The following HS6ST3 variants were observed in gnomAD, a reference collection of about 807,000 sequenced individuals.
HS6ST3 encodes heparan sulfate 6-O-sulfotransferase 3, also known as heparan-sulfate 6-O-sulfotransferase 3.
In HS6ST3, 12 loss-of-function variants were observed where a neutral mutation model predicts 36.7. The observed-to-expected ratio is 0.33, with a 90% CI of 0.21 to 0.53. The LOEUF (loss-of-function observed/expected upper bound fraction) is 0.53, where lower values mean the gene tolerates loss of function less well. Among genes scored for constraint, HS6ST3 ranks in the 20% least tolerant of loss-of-function variants. HS6ST3 has a pLI of 0.95. For synonymous variants in HS6ST3, 240 were observed against 257.5 expected, an observed-to-expected ratio of 0.93 and a Z score of 0.65; for missense variants, 584 against 640.9, an observed-to-expected ratio of 0.91 and a Z score of 0.96.
At chr13:96,267,851 T>C (rs561644618) in intron 1 of HS6ST3, among the ~76,000 whole-genome samples, 45 of 151,980 alleles carry the variant, frequency 3.0e-4, no homozygotes, top group Admixed American at 2.6e-4. Context: ...TTGGTTACCA[T>C]TGGGCTTATC....
At chr13:96,716,897 G>C (rs754346349) in intron 1 of HS6ST3, among the ~76,000 whole-genome samples, 4 of 152,212 alleles carry the variant, frequency 2.6e-5, no homozygotes, top group Non-Finnish European at 4.4e-5. Context: ...AGTGGGCCAA[G>C]TGTAAGATCA....
At chr13:96,605,978 A>G (rs940054743) in intron 1 of HS6ST3, among the ~76,000 whole-genome samples, 22 of 152,304 alleles carry the variant, frequency 1.4e-4, no homozygotes, top group African/African-American at 5.1e-4. Flanking sequence ...AAAAATGCTC[A>G]TCATCACTTG....
chr13:96,576,554 T>A (rs2056321922), intron 1 of HS6ST3, among the ~76,000 whole-genome samples: 2 of 152,070 alleles, frequency 1.3e-5, no homozygotes, highest in Non-Finnish European at 2.9e-5. Flanking sequence ...AGCAAAAAAA[T>A]ATTGCTAAAC....
chr13:96,265,683 T>C (rs2054688726), intron 1 of HS6ST3, among the ~76,000 whole-genome samples: 7 of 152,164 alleles, frequency 4.6e-5, no homozygotes, highest in South Asian at 4.1e-4. Context: ...GAGGGGTCAG[T>C]GGACAGGACC....
At chr13:96,666,471 C>T (rs935363005) in intron 1 of HS6ST3, among the ~76,000 whole-genome samples, 4 of 152,172 alleles carry the variant, frequency 2.6e-5, no homozygotes, top group African/African-American at 7.2e-5. Context: ...TGTTTTTCCT[C>T]GTATAACTTT....
intron 1 of HS6ST3, among the ~76,000 whole-genome samples, chr13:96,673,959 G>C (rs968014512): frequency 4.0e-5 from 6 of 151,742 alleles, no homozygotes; most frequent in African/African-American, 1.5e-4. Context: ...CAAATGTCTG[G>C]ATATTTGCTT....
intron 1 of HS6ST3, among the ~76,000 whole-genome samples, chr13:96,223,494 A>G (rs2054465506): frequency 6.6e-6 from 1 of 152,196 alleles, no homozygotes; most frequent in African/African-American, 2.4e-5. Context: ...GTTGATATAC[A>G]CAGAGCATTT....
At chr13:96,715,567 T>C (rs1430650312) in intron 1 of HS6ST3, among the ~76,000 whole-genome samples, 1 of 152,096 alleles carries the variant, frequency 6.6e-6, no homozygotes, top group Non-Finnish European at 1.5e-5. Flanking sequence ...GTAGTCTCCT[T>C]AGACTTTCTT....
chr13:96,175,995 T>G (rs1430310628), intron 1 of HS6ST3, among the ~76,000 whole-genome samples: 1 of 144,388 alleles, frequency 6.9e-6, no homozygotes, highest in African/African-American at 2.6e-5. Flanking sequence ...GCCTGGCTAA[T>G]TTTTTGTATT....
Position 96,090,988 on chromosome 13 carries a change from C to G in HS6ST3, c.126C>G (p.Arg42=). ...GCACCAACTTCGGGGAGCAGCCCCG[C>G]GCGGGGGAGGCCGGCCCGCCCGCCG... ...SSCTNFGEQP[R]AGEAGPPAVP... The change falls in exon 1 of 2, where the codon CGC becomes CGG. Residue 42 remains arginine, a synonymous_variant. Transcript: ENST00000376705. 5 of 1,348,398 alleles carry G rather than the reference C, an allele frequency of 3.7e-6. No individual in the cohort carries two copies. Among genetic ancestry groups the G allele is most frequent in the South Asian group, 2.2e-5 (1 of 45,034 alleles). The allele number at this position is 1,348,398 out of a possible 1,614,324, so 83.5% of individuals were successfully genotyped here. A position where few individuals can be genotyped will look rare whatever the true frequency, so the allele number is the denominator to read the frequency against.
At chr13:96,555,724 T>C (rs892794390) in intron 1 of HS6ST3, among the ~76,000 whole-genome samples, 7 of 152,148 alleles carry the variant, frequency 4.6e-5, no homozygotes, top group African/African-American at 1.2e-4. Flanking sequence ...CTTTTGTTAT[T>C]AGAAAATCTA....
intron 1 of HS6ST3, among the ~76,000 whole-genome samples, chr13:96,664,390 T>G (rs2056656485): frequency 6.6e-6 from 1 of 152,300 alleles, no homozygotes; most frequent in South Asian, 2.1e-4. Context: ...TAACCATATG[T>G]CATTTCATCA....
At chr13:96,137,712 T>G (rs1294132326) in intron 1 of HS6ST3, among the ~76,000 whole-genome samples, 3 of 152,208 alleles carry the variant, frequency 2.0e-5, no homozygotes, top group Non-Finnish European at 4.4e-5. Flanking sequence ...ATTACAGGCC[T>G]GGCCTTTCTG....
intron 1 of HS6ST3, among the ~76,000 whole-genome samples, chr13:96,273,170 A>C (rs986409778): frequency 6.6e-6 from 1 of 151,996 alleles, no homozygotes; most frequent in African/African-American, 2.4e-5. Flanking sequence ...TCGCCAAATA[A>C]TGCAAGTTCT....
In HS6ST3 at chr13:96,518,972, TA is replaced by T. The variant is rs1323501855; in HGVS notation, c.708-313517del. Among the ~76,000 whole-genome samples the T allele has an allele frequency of 2.0e-5, 3 of 152,330 alleles. No homozygotes were observed. The East Asian group carries it at 5.8e-4, about 29-fold the overall frequency. ...TATGTACAAGCTATTAGAAAACATT[TA>T]TTTTCACATTTTGACTGAAATGACT... On this transcript the variant is annotated intron_variant, in intron 1 of 1. Transcript: ENST00000376705.
At chr13:96,199,919 A>T (rs2054332749) in intron 1 of HS6ST3, among the ~76,000 whole-genome samples, 1 of 152,148 alleles carries the variant, frequency 6.6e-6, no homozygotes, top group Non-Finnish European at 1.5e-5. Context: ...ACTTCCTCAG[A>T]GTAGCCACCA....
intron 1 of HS6ST3, among the ~76,000 whole-genome samples, chr13:96,177,226 A>G (rs1261105202): frequency 6.6e-6 from 1 of 152,198 alleles, no homozygotes; most frequent in East Asian, 1.9e-4. Flanking sequence ...TTCCTCAAAG[A>G]GCCAAAAGCA....
chr13:96,408,336 T>C (rs1042923929), intron 1 of HS6ST3, among the ~76,000 whole-genome samples: 5 of 152,156 alleles, frequency 3.3e-5, no homozygotes, highest in Admixed American at 3.3e-4. Flanking sequence ...GTGCAACATA[T>C]GAGTCCAGTG....
At chr13:96,222,620 T>C (rs2054461462) in intron 1 of HS6ST3, among the ~76,000 whole-genome samples, 1 of 152,240 alleles carries the variant, frequency 6.6e-6, no homozygotes, top group African/African-American at 2.4e-5. Flanking sequence ...AGAGCATTGC[T>C]CTTTCTATAG....
Sources: gnomAD v4.1 joint callset for allele counts (sites outside exome capture counted in the v4.1 genomes callset) on GRCh38, gnomAD v4.1.1 for gene constraint, MANE v1.5 for transcripts, NCBI Gene and HGNC (gene_info 2026-07-23, HGNC 2026-07-21) for gene names.